Variants in SCRG1 observed in about 807,000 individuals in gnomAD.
SCRG1 encodes scrapie-responsive protein 1.
A neutral mutation model predicts 7.7 loss-of-function variants in SCRG1; 3 were observed. The observed-to-expected ratio is 0.39, with a 90% CI of 0.18 to 1.01. SCRG1 has a LOEUF of 1.01. Among genes scored for constraint, SCRG1 ranks in the 50% least tolerant of loss-of-function variants. The pLI is 0.36. For synonymous variants in SCRG1, 46 were observed against 41.2 expected (o/e 1.12, Z -0.44); for missense variants, 110 against 117.2 (o/e 0.94, Z 0.28).
At chr4:173,485,056 T>TATATAATATATATG in the SCRG1 span, among the ~76,000 whole-genome samples, 1 of 13,424 alleles carries the variant, frequency 7.4e-5, no homozygotes, top group African/African-American at 3.6e-4. Flanking sequence ...TATAATATAT[T>TATATAATATATATG]ATATATTATA....
the SCRG1 span, among the ~76,000 whole-genome samples, chr4:173,509,567 C>G: frequency 2.0e-5 from 3 of 152,154 alleles, no homozygotes; most frequent in Non-Finnish European, 4.4e-5. This position sits in a 1 kb window ranked among gnomAD's most constrained non-coding sequence, Gnocchi z 5.7. Flanking sequence ...TGGCGGCTGC[C>G]GGGCAAAAAC....
chr4:173,455,012 T>C, the SCRG1 span, among the ~76,000 whole-genome samples: 1 of 152,158 alleles, frequency 6.6e-6, no homozygotes, highest in Non-Finnish European at 1.5e-5. Context: ...TCTTGGCTCC[T>C]TGGTTGTAAG....
upstream of SCRG1, among the ~76,000 whole-genome samples, chr4:173,410,396 A>G (rs1247804065): frequency 1.3e-5 from 2 of 152,192 alleles, no homozygotes; most frequent in Non-Finnish European, 2.9e-5. Flanking sequence ...GGCCATTCCT[A>G]CAGCAAGACA....
chr4:173,488,036 G>T, the SCRG1 span, among the ~76,000 whole-genome samples: 1 of 151,918 alleles, frequency 6.6e-6, no homozygotes, highest in Non-Finnish European at 1.5e-5. Flanking sequence ...CAGAGGCAGA[G>T]TTGCAGTAAG....
At chr4:173,517,520 G>A in the SCRG1 span, among the ~76,000 whole-genome samples, 5 of 152,114 alleles carry the variant, frequency 3.3e-5, no homozygotes, top group East Asian at 9.6e-4. Flanking sequence ...GGGGTTCACC[G>A]GTTCTTTCAC....
At chr4:173,480,358 T>G in the SCRG1 span, among the ~76,000 whole-genome samples, 1 of 150,652 alleles carries the variant, frequency 6.6e-6, no homozygotes, top group South Asian at 2.1e-4. Context: ...GTTTTTTTTG[T>G]TTGTTTGTTT....
chr4:173,390,938 TA>T (rs1190399872), intron 2 of SCRG1, among the ~76,000 whole-genome samples: 5 of 152,240 alleles, frequency 3.3e-5, no homozygotes, highest in African/African-American at 1.2e-4. Context: ...ATTGAAGTAT[TA>T]TTTTCTGGAT....
At chr4:173,442,017 G>C in the SCRG1 span, among the ~76,000 whole-genome samples, 3 of 152,142 alleles carry the variant, frequency 2.0e-5, no homozygotes, top group Non-Finnish European at 4.4e-5. Flanking sequence ...TCAACTTTTG[G>C]CTCACAATAA....
chr4:173,440,123 T>C, the SCRG1 span, among the ~76,000 whole-genome samples: 1 of 152,198 alleles, frequency 6.6e-6, no homozygotes, highest in African/African-American at 2.4e-5. Context: ...TGAGAAGCGC[T>C]ACAGGTTTCT....
chr4:173,480,714 TTTA>T, the SCRG1 span, among the ~76,000 whole-genome samples: 3 of 152,184 alleles, frequency 2.0e-5, no homozygotes, highest in Non-Finnish European at 4.4e-5. Flanking sequence ...TTACTGTGAA[TTTA>T]TTAAGTGGCA....
upstream of SCRG1, among the ~76,000 whole-genome samples, chr4:173,408,364 G>A (rs903715427): frequency 1.3e-5 from 2 of 152,066 alleles, no homozygotes; most frequent in South Asian, 2.1e-4. Context: ...CTCCTTCTTT[G>A]GGGGTGAATT....
the SCRG1 span, among the ~76,000 whole-genome samples, chr4:173,485,757 G>A: frequency 6.6e-6 from 1 of 152,038 alleles, no homozygotes; most frequent in Non-Finnish European, 1.5e-5. Flanking sequence ...ATCACTTGAG[G>A]TCGTGAGTTT....
the SCRG1 span, among the ~76,000 whole-genome samples, chr4:173,430,738 T>G: frequency 4.0e-4 from 54 of 136,404 alleles, no homozygotes; most frequent in African/African-American, 1.5e-3. Flanking sequence ...GCCTGGGAGG[T>G]AGATGCTATG....
At chr4:173,487,329 T>G in the SCRG1 span, among the ~76,000 whole-genome samples, 12 of 152,338 alleles carry the variant, frequency 7.9e-5, 1 homozygote, top group Middle Eastern at 0.02. Context: ...AGTTCTAGCA[T>G]GTCTAAACAG....
chr4:173,493,248 C>G, the SCRG1 span, among the ~76,000 whole-genome samples: 1 of 152,042 alleles, frequency 6.6e-6, no homozygotes, highest in African/African-American at 2.4e-5. Flanking sequence ...GAGTTCTCAC[C>G]ATCTGGCTGA....
At chr4:173,510,329 A>G in the SCRG1 span, among the ~76,000 whole-genome samples, 2 of 151,862 alleles carry the variant, frequency 1.3e-5, no homozygotes, top group African/African-American at 2.4e-5. The surrounding 1 kb of genome is among the most constrained non-coding windows in gnomAD (Gnocchi z 5.7). Context: ...TTCTGTTCCT[A>G]AGGCCTAAGG....
At chr4:173,445,497 G>A in the SCRG1 span, among the ~76,000 whole-genome samples, 1,789 of 150,018 alleles carry the variant, frequency 0.012, 24 homozygotes, top group Non-Finnish European at 0.019. Context: ...CAGGAGAATC[G>A]CTTGAACCCG....
intron 1 of SCRG1, among the ~76,000 whole-genome samples, chr4:173,405,463 C>T (rs1035043325): frequency 6.6e-6 from 1 of 152,172 alleles, no homozygotes; most frequent in Admixed American, 6.5e-5. Context: ...ATAGTACACT[C>T]TGTGGAAGGA....
At chr4:173,467,057 T>A in the SCRG1 span, among the ~76,000 whole-genome samples, 1 of 152,110 alleles carries the variant, frequency 6.6e-6, no homozygotes, top group Non-Finnish European at 1.5e-5. Context: ...GACATATATA[T>A]CTCTACATAA....
Sources: allele counts gnomAD v4.1 joint callset (sites outside exome capture counted in the v4.1 genomes callset), GRCh38; gene constraint gnomAD v4.1.1; non-coding constraint Gnocchi (gnomAD v3.1); transcripts MANE v1.5; gene names NCBI Gene and HGNC (gene_info 2026-07-23, HGNC 2026-07-21).